The following ABL1 variants were observed in gnomAD, a reference collection of about 807,000 sequenced individuals.
ABL1 encodes tyrosine-protein kinase ABL1.
ABL1 carries 11 observed loss-of-function variants against 94.7 expected under a neutral mutation model. The observed-to-expected ratio is 0.12, with a 90% CI of 0.07 to 0.19. ABL1 has a LOEUF of 0.19. Ranked by LOEUF, ABL1 falls within the 10% of genes least tolerant of loss-of-function variation. ABL1 has a pLI of 1.00. For missense variants in ABL1, 1,082 were observed against 1,489.4 expected (o/e 0.73, Z 4.50); for synonymous variants, 656 against 622.4 (o/e 1.05, Z -0.80).
exon 1 of ABL1, chr9:130,714,337 A>T: frequency 6.2e-7 from 1 of 1,610,444 alleles, no homozygotes; most frequent in Non-Finnish European, 8.5e-7. Context: ...AGCAGCCTGG[A>T]AAAGTACTTG....
intron 1 of ABL1, among the ~76,000 whole-genome samples, chr9:130,736,637 ATG>A (rs1162217774): frequency 1.3e-5 from 2 of 152,006 alleles, no homozygotes; most frequent in East Asian, 1.9e-4. Flanking sequence ...GATTACAGGC[ATG>A]TGCCACCACA....
At chr9:130,799,172 T>TA (rs886834119) in intron 1 of ABL1, among the ~76,000 whole-genome samples, 5 of 151,620 alleles carry the variant, frequency 3.3e-5, no homozygotes, top group South Asian at 2.1e-4. Context: ...AGGCTTCACT[T>TA]ACGCCAGTAT....
In ABL1 at chr9:130,850,859, A is replaced by G. The variant is rs373129223; in HGVS notation, c.80-3205A>G. ...CTTTGGCCCTACAGTCAAGACTACC[A>G]AACCAATGTACACTAAATGGGGGTG... On this transcript the variant is annotated intron_variant, in intron 1 of 10. Coordinates refer to ENST00000318560, the MANE Select transcript of ABL1 (RefSeq NM_005157.6). Among the ~76,000 whole-genome samples, 15 of 152,272 alleles carry G rather than the reference A, an allele frequency of 9.9e-5. 2 individuals are homozygous for G. The highest frequency in any genetic ancestry group is 3.9e-4 in the Admixed American group (6 of 15,296).
At chr9:130,845,499 G>A (rs1346991315) in intron 1 of ABL1, among the ~76,000 whole-genome samples, 1 of 151,964 alleles carries the variant, frequency 6.6e-6, no homozygotes, top group Non-Finnish European at 1.5e-5. Flanking sequence ...GCACCACCAC[G>A]CCCAGCTAAT....
chr9:130,728,230 A>ATTTTTTTTTTTTTTTTTTTTTTTTTTTT (rs55915035), intron 1 of ABL1, among the ~76,000 whole-genome samples: 3 of 102,572 alleles, frequency 2.9e-5, no homozygotes, highest in Admixed American at 1.1e-4. Flanking sequence ...TGTCCAGCTG[A>ATTTTTTTTTTTTTTTTTTTTTTTTTTTT]TTTTTTTTTT....
At chr9:130,833,333 AACAG>A (rs1371794586), upstream of ABL1, among the ~76,000 whole-genome samples, 3 of 152,302 alleles carry the variant, frequency 2.0e-5, no homozygotes, top group South Asian at 2.1e-4. Context: ...AGGGCAACAA[AACAG>A]ACAGATACTG....
At chr9:130,800,709 T>G (rs1180428245) in intron 1 of ABL1, among the ~76,000 whole-genome samples, 3 of 152,220 alleles carry the variant, frequency 2.0e-5, no homozygotes, top group Non-Finnish European at 4.4e-5. Flanking sequence ...GATTTACTCC[T>G]GTTGTATGTA....
chr9:130,872,274 C>G lies in ABL1; in HGVS notation c.907+61C>G. On this transcript the variant is annotated intron_variant, in intron 5 of 10. Transcript: ENST00000318560. This position sits in a 1 kb window ranked among gnomAD's most constrained non-coding sequence, Gnocchi z 5.0. ...CGCCGCACCCCCAGGGTGACACAGG[C>G]GCTGGGGAAGACGCACGGGCGGCTC... The G allele has an allele frequency of 1.3e-6, 2 of 1,506,060 alleles. No individual in the cohort carries two copies. 93.3% of individuals were successfully genotyped at this position (1,506,060 alleles called of 1,614,324 possible).
intron 4 of ABL1, among the ~76,000 whole-genome samples, chr9:130,865,745 CCAAAAA>C (rs1831144218): frequency 1.1e-5 from 1 of 88,578 alleles, no homozygotes; most frequent in African/African-American, 7.5e-5. Context: ...GACCCTGTCT[CCAAAAA>C]AAAAAAAAAA....
intron 4 of ABL1, among the ~76,000 whole-genome samples, chr9:130,869,885 T>C (rs954857577): frequency 6.6e-6 from 1 of 152,198 alleles, no homozygotes; most frequent in Non-Finnish European, 1.5e-5. Context: ...AGTGCAGTGG[T>C]GCGATCTTGG....
At chr9:130,751,458 A>G (rs996559967) in intron 1 of ABL1, among the ~76,000 whole-genome samples, 1 of 151,854 alleles carries the variant, frequency 6.6e-6, no homozygotes, top group African/African-American at 2.4e-5. Flanking sequence ...TACTATTTTT[A>G]ATGGGAAGGG....
chr9:130,856,294 G>A (rs577347462), intron 3 of ABL1, among the ~76,000 whole-genome samples: 2 of 152,028 alleles, frequency 1.3e-5, no homozygotes, highest in Non-Finnish European at 2.9e-5. Flanking sequence ...CACCATGTTG[G>A]TCAGGCTGGT....
In ABL1 at chr9:130,778,533, G is replaced by T. The variant is rs540287389; in HGVS notation, c.136+64078G>T. Among the ~76,000 whole-genome samples the T allele has an allele frequency of 3.3e-5, 5 of 152,238 alleles. 1 individual carries two copies. The East Asian group carries it at 9.7e-4, about 29-fold the overall frequency. ...GATCCCTGGTTTTCCCCCGCCCTCT[G>T]TGTCTCACTCCCTTCCTCCACTGCA... On this transcript the variant is annotated intron_variant, in intron 1 of 10. Coordinates refer to the ABL1 transcript ENST00000372348.
intron 3 of ABL1, among the ~76,000 whole-genome samples, 168 bp downstream of exon 3, chr9:130,855,264 C>T (rs1431716334): frequency 6.6e-6 from 1 of 152,112 alleles, no homozygotes; most frequent in Non-Finnish European, 1.5e-5. Flanking sequence ...TATTGAGGAT[C>T]CGTTCTGTGA....
At chr9:130,812,144 A>G (rs1426776484) in intron 1 of ABL1, among the ~76,000 whole-genome samples, 2 of 147,562 alleles carry the variant, frequency 1.4e-5, no homozygotes, top group African/African-American at 5.0e-5. Flanking sequence ...TAGGAGGATC[A>G]CTTGAAGCCA....
chr9:130,726,602 T>A (rs1831589751), intron 1 of ABL1, among the ~76,000 whole-genome samples: 1 of 152,200 alleles, frequency 6.6e-6, no homozygotes, highest in Admixed American at 6.6e-5. Context: ...GTTTTCCATT[T>A]TATTGATTTC....
chr9:130,852,348 G>T (rs1005180914), intron 1 of ABL1, among the ~76,000 whole-genome samples: 1 of 151,920 alleles, frequency 6.6e-6, no homozygotes, highest in Non-Finnish European at 1.5e-5. Flanking sequence ...AACTACAGGC[G>T]CCCGCCACCA....
chr9:130,818,353 C>T (rs979712386), intron 1 of ABL1, among the ~76,000 whole-genome samples: 3 of 152,132 alleles, frequency 2.0e-5, no homozygotes, highest in Admixed American at 6.6e-5. Flanking sequence ...GCCTGTAGTT[C>T]CAGCTACTCA....
intron 1 of ABL1, among the ~76,000 whole-genome samples, chr9:130,846,695 T>TC (rs886258090): frequency 4.6e-5 from 7 of 151,982 alleles, no homozygotes; most frequent in African/African-American, 1.5e-4. Context: ...GGAGGTCAAG[T>TC]CCCCCCTTGG....
Sources: allele counts gnomAD v4.1 joint callset (sites outside exome capture counted in the v4.1 genomes callset), GRCh38; gene constraint gnomAD v4.1.1; non-coding constraint Gnocchi (gnomAD v3.1); transcripts MANE v1.5; gene names NCBI Gene and HGNC (gene_info 2026-07-23, HGNC 2026-07-21).